Variants in GPHN observed in about 807,000 individuals in gnomAD.
GPHN encodes the protein gephyrin.
In GPHN, 17 loss-of-function variants were observed where a neutral mutation model predicts 95.5. That is an observed-to-expected ratio of 0.18 (90% CI 0.12 to 0.27). The LOEUF is 0.27. GPHN is among the 10% of genes least tolerant of loss of function. The probability of loss-of-function intolerance (pLI) is 1.00; values close to 1 mark genes in which losing one functional copy is unlikely to be tolerated. For synonymous variants in GPHN, 320 were observed against 322.5 expected, an observed-to-expected ratio of 0.99 and a Z score of 0.08; for missense variants, 660 against 978.1, an observed-to-expected ratio of 0.67 and a Z score of 4.34.
the GPHN span, among the ~76,000 whole-genome samples, chr14:67,672,844 A>T: frequency 6.6e-6 from 1 of 152,234 alleles, no homozygotes; most frequent in Admixed American, 6.5e-5. Flanking sequence ...CAAGTCTTTC[A>T]CCATGGTCCA....
chr14:66,532,013 T>C (rs757330379), intron 1 of GPHN, among the ~76,000 whole-genome samples: 5 of 152,174 alleles, frequency 3.3e-5, no homozygotes, highest in African/African-American at 7.2e-5. Flanking sequence ...ATTTTAGTTA[T>C]AAAAAGAAAT....
chr14:67,266,514 C>CA, the GPHN span, among the ~76,000 whole-genome samples: 4 of 151,984 alleles, frequency 2.6e-5, no homozygotes, highest in African/African-American at 9.7e-5. Flanking sequence ...TTAGTAGAGA[C>CA]AGGGTTTCAC....
intron 11 of GPHN, among the ~76,000 whole-genome samples, chr14:67,073,987 C>T (rs1016300635): frequency 3.3e-5 from 5 of 152,084 alleles, no homozygotes; most frequent in South Asian, 2.1e-4. Context: ...GCCTGTAATA[C>T]ATAAGCAAGA....
At chr14:67,638,564 C>T in the GPHN span, among the ~76,000 whole-genome samples, 2 of 152,246 alleles carry the variant, frequency 1.3e-5, no homozygotes, top group South Asian at 4.2e-4. Context: ...CCCCTGACTC[C>T]TTTAGGACTC....
chr14:67,390,533 T>C, the GPHN span: 1 of 735,776 alleles, frequency 1.4e-6, no homozygotes, highest in Non-Finnish European at 2.5e-6. Context: ...AGGAAAGGCA[T>C]GGTGCAGCAG....
intron 2 of GPHN, chr14:66,709,327 G>A (rs2153421016): frequency 2.2e-6 from 1 of 455,946 alleles, no homozygotes; most frequent in East Asian, 6.9e-5. Flanking sequence ...ATCACATTAA[G>A]CCTGTACTGT....
At chr14:67,291,759 G>T in the GPHN span, among the ~76,000 whole-genome samples, 2 of 152,154 alleles carry the variant, frequency 1.3e-5, no homozygotes, top group African/African-American at 4.8e-5. Flanking sequence ...CCTGGTAATT[G>T]TGAATAAACC....
intron 4 of GPHN, among the ~76,000 whole-genome samples, chr14:66,857,122 G>A (rs1238291070): frequency 6.6e-6 from 1 of 152,046 alleles, no homozygotes; most frequent in Non-Finnish European, 1.5e-5. Flanking sequence ...TCAGTAATAT[G>A]TGTCAAAAAT....
At chr14:67,658,691 T>C in the GPHN span, among the ~76,000 whole-genome samples, 6 of 152,368 alleles carry the variant, frequency 3.9e-5, no homozygotes, top group Admixed American at 2.6e-4. Flanking sequence ...AAGTCACTTT[T>C]ACAACTCCCA....
intron 9 of GPHN, among the ~76,000 whole-genome samples, chr14:66,985,295 T>C (rs1030603479): frequency 6.6e-6 from 1 of 152,170 alleles, no homozygotes; most frequent in Non-Finnish European, 1.5e-5. Flanking sequence ...ACCATTTATG[T>C]TTTCTAATAT....
chr14:66,806,155 C>T (rs1300837642), intron 3 of GPHN, among the ~76,000 whole-genome samples: 1 of 152,212 alleles, frequency 6.6e-6, no homozygotes, highest in African/African-American at 2.4e-5. Context: ...AAGCTTGAGG[C>T]TTGCACCCTC....
the GPHN span, among the ~76,000 whole-genome samples, chr14:67,694,487 C>T: frequency 3.8e-4 from 55 of 146,112 alleles, no homozygotes; most frequent in African/African-American, 1.4e-3. Flanking sequence ...TACACACACA[C>T]ACATATATAT....
the GPHN span, chr14:67,577,470 A>T: frequency 8.7e-7 from 1 of 1,144,934 alleles, no homozygotes; most frequent in South Asian, 1.3e-5. Flanking sequence ...ACTTGGGTGG[A>T]GAAGGCCTGT....
intron 8 of GPHN, among the ~76,000 whole-genome samples, chr14:66,945,770 A>T (rs565321997): frequency 4.1e-4 from 63 of 152,236 alleles, no homozygotes; most frequent in Non-Finnish European, 7.9e-4. Flanking sequence ...GAGCATTAAC[A>T]GTTCTCTGGG....
chr14:66,609,966 G>A (rs2062711039), intron 1 of GPHN, among the ~76,000 whole-genome samples: 1 of 152,016 alleles, frequency 6.6e-6, no homozygotes, highest in South Asian at 2.1e-4. Context: ...TCTATTGCTG[G>A]GGAGCTTCTG....
chr14:66,701,583 C>T (rs543920622), intron 2 of GPHN, among the ~76,000 whole-genome samples: 5 of 152,252 alleles, frequency 3.3e-5, no homozygotes, highest in South Asian at 2.1e-4. Flanking sequence ...GCCCCTACCC[C>T]GCAGCCAAGG....
At chr14:66,669,363 T>G (rs1698339907) in intron 1 of GPHN, among the ~76,000 whole-genome samples, 1 of 118,822 alleles carries the variant, frequency 8.4e-6, no homozygotes, top group Non-Finnish European at 1.6e-5. Flanking sequence ...AAACTCTGTC[T>G]CAAAAAAAAA....
At chr14:67,651,486 A>G in the GPHN span, 1 of 1,613,364 alleles carries the variant, frequency 6.2e-7, no homozygotes, top group South Asian at 1.1e-5. Flanking sequence ...GTCACTCTAC[A>G]AAGAGAAGCA....
At chr14:66,789,411 T>C (rs1244111776) in intron 3 of GPHN, among the ~76,000 whole-genome samples, 1 of 152,262 alleles carries the variant, frequency 6.6e-6, no homozygotes, top group Middle Eastern at 3.2e-3. Context: ...AGCTCTTTCC[T>C]ATGTAAACAT....
Sources: allele counts gnomAD v4.1 joint callset (sites outside exome capture counted in the v4.1 genomes callset), GRCh38; gene constraint gnomAD v4.1.1; transcripts MANE v1.5; gene names NCBI Gene and HGNC (gene_info 2026-07-23, HGNC 2026-07-21).